Variants in RMND5A observed in about 807,000 individuals in gnomAD.
The protein encoded by RMND5A is required for meiotic nuclear division 5 homolog A.
RMND5A carries 17 observed loss-of-function variants against 49.7 expected under a neutral mutation model. The ratio of observed to expected loss-of-function variants is 0.34; its 90% CI spans 0.23 to 0.51. RMND5A has a LOEUF of 0.51. Ranked by LOEUF, RMND5A falls within the 20% of genes least tolerant of loss-of-function variation. RMND5A has a pLI of 0.96. For missense variants in RMND5A, 255 were observed against 471.3 expected, an observed-to-expected ratio of 0.54 and a Z score of 4.25; for synonymous variants, 156 against 167.7, an observed-to-expected ratio of 0.93 and a Z score of 0.54.
intron 2 of RMND5A, among the ~76,000 whole-genome samples, chr2:86,751,595 C>T (rs1315804789): frequency 6.6e-6 from 1 of 152,166 alleles, no homozygotes; most frequent in Non-Finnish European, 1.5e-5. Context: ...CATTGCATTC[C>T]TCTAAAAATA....
In RMND5A at chr2:86,777,465, GGAACAGGT is replaced by G. The variant is rs1301066658; in HGVS notation, c.*4056_*4063del. On this transcript the variant is annotated 3_prime_UTR_variant, in exon 9 of 9. Transcript: ENST00000283632. Reference sequence around the variant, plus strand: ...CATTGCCCCCACCTGCACCTAGCAAGGAACAGGTGTTTGATGTATTTTGCTCATGACTG... The same window carrying G: ...CATTGCCCCCACCTGCACCTAGCAAGGTTTGATGTATTTTGCTCATGACTG... The G allele has an allele frequency of 6.6e-6, 1 of 152,140 alleles. No homozygotes were observed. The highest frequency in any genetic ancestry group is 2.4e-5 in the African/African-American group (1 of 41,416). 9.4% of individuals were successfully genotyped at this position (152,140 alleles called of 1,614,324 possible).
At chr2:86,755,158 C>T (rs149987534) in intron 4 of RMND5A, among the ~76,000 whole-genome samples, 642 of 151,494 alleles carry the variant, frequency 4.2e-3, no homozygotes, top group East Asian at 9.1e-3. Flanking sequence ...GCTCTGTGGC[C>T]CAGGCTAGAG....
chr2:86,753,602 C>A, intron 4 of RMND5A, 44 bp downstream of exon 4: 2 of 1,010,738 alleles, frequency 2.0e-6, no homozygotes, highest in Non-Finnish European at 3.0e-6. Context: ...TGAGAACTCT[C>A]TGTAAGAAAA....
rs1468962019 is a variant in RMND5A, at chr2:86,723,336, CA to C, written c.142+2530del. Among the ~76,000 whole-genome samples, 4 of 33,536 alleles carry C rather than the reference CA, an allele frequency of 1.2e-4. 1 individual carries two copies. The highest frequency in any genetic ancestry group is 1.5e-4 in the Non-Finnish European group (3 of 19,458). The allele number at this position is 33,536 out of a possible 152,430, so 22.0% of individuals were successfully genotyped here. ...CATTGAAACTTAAATATGCCCTTCT[CA>C]AAGGTATTTTACTGAAAACTGAGTT... On this transcript the variant is annotated intron_variant, in intron 1 of 8. Coordinates refer to ENST00000283632, the MANE Select transcript of RMND5A (RefSeq NM_022780.4).
intron 2 of RMND5A, among the ~76,000 whole-genome samples, chr2:86,745,014 T>A (rs1436680540): frequency 9.9e-5 from 15 of 152,238 alleles, no homozygotes; most frequent in Non-Finnish European, 1.9e-4. Flanking sequence ...GACAATTTTT[T>A]TTTTTTTAGT....
At chr2:86,766,661 C>CAAAAAAAAAAAAAAAA (rs59511898) in intron 6 of RMND5A, among the ~76,000 whole-genome samples, 1 of 77,004 alleles carries the variant, frequency 1.3e-5, no homozygotes, top group African/African-American at 5.3e-5. Context: ...GAGACTGTCT[C>CAAAAAAAAAAAAAAAA]AAAAAAAAAA....
chr2:86,747,698 T>C (rs1278609962), intron 2 of RMND5A, among the ~76,000 whole-genome samples: 1 of 152,254 alleles, frequency 6.6e-6, no homozygotes, highest in African/African-American at 2.4e-5. Context: ...TTGTGACCAC[T>C]GTCTGCTCAG....
Position 86,777,922 on chromosome 2 carries a change from T to TA in RMND5A, c.*4512dup, listed in dbSNP as rs1553429092. 1.3e-5 allele frequency: 2 copies of TA among 152,236 alleles called. No homozygotes were observed. The highest frequency in any genetic ancestry group is 4.8e-5 in the African/African-American group (2 of 41,466). 9.4% of individuals were successfully genotyped at this position (152,236 alleles called of 1,614,324 possible). ...ATTTAATTTATAAATTTCGGACTGA[T>TA]ATAATAGAGTTTTGGAAAACTATAA... On this transcript the variant is annotated 3_prime_UTR_variant, in exon 9 of 9. Coordinates refer to ENST00000283632, the MANE Select transcript of RMND5A (RefSeq NM_022780.4).
chr2:86,746,501 C>T (rs766331762), intron 2 of RMND5A, among the ~76,000 whole-genome samples: 15 of 152,080 alleles, frequency 9.9e-5, no homozygotes, highest in Non-Finnish European at 1.8e-4. Context: ...CTTGTAAGGT[C>T]GAGATTATTG....
At chr2:86,760,787 C>T (rs1672469144) in intron 4 of RMND5A, among the ~76,000 whole-genome samples, 1 of 152,194 alleles carries the variant, frequency 6.6e-6, no homozygotes, top group African/African-American at 2.4e-5. Context: ...CAAGATGAAG[C>T]TAGGGCAAGA....
intron 2 of RMND5A, among the ~76,000 whole-genome samples, chr2:86,742,465 A>T (rs1335395566): frequency 6.9e-6 from 1 of 144,930 alleles, no homozygotes; most frequent in Non-Finnish European, 1.5e-5. Flanking sequence ...TGGTACTATG[A>T]TATTTGAAGT....
At chr2:86,753,069 T>G (rs1681663660) in intron 3 of RMND5A, among the ~76,000 whole-genome samples, 1 of 152,206 alleles carries the variant, frequency 6.6e-6, no homozygotes, top group Admixed American at 6.5e-5. Context: ...CTCTGCATTG[T>G]GAAACTCTTA....
chr2:86,771,452 T>C, intron 7 of RMND5A, 106 bp from the exon 8 acceptor site: 1 of 919,804 alleles, frequency 1.1e-6, no homozygotes, highest in Non-Finnish European at 1.6e-6. Context: ...TACATTCAGG[T>C]GAATAGATCT....
rs1195687762 is a variant in RMND5A at position 86,732,268 on chromosome 2, T to C, written c.143-8659T>C. Among the ~76,000 whole-genome samples, 2 of 149,500 alleles carry C rather than the reference T, an allele frequency of 1.3e-5. 1 individual carries two copies. Among genetic ancestry groups the C allele is most frequent in the African/African-American group, 5.1e-5 (2 of 39,004 alleles). On this transcript the variant is annotated intron_variant, in intron 1 of 8. Transcript: ENST00000283632. ...TGCTGCCTACCAACCAGCTGTTTAGTTTTAGCAATGCTATCTTTAACAGTG... is the reference window on the plus strand; with the variant it reads ...TGCTGCCTACCAACCAGCTGTTTAGCTTTAGCAATGCTATCTTTAACAGTG...
intron 4 of RMND5A, among the ~76,000 whole-genome samples, chr2:86,756,467 T>G (rs1283687086): frequency 6.6e-6 from 1 of 152,216 alleles, no homozygotes; most frequent in South Asian, 2.1e-4. Context: ...ACCCAGTGTT[T>G]TCTCTGTGTA....
At chr2:86,755,754 T>G (rs1252859495) in intron 4 of RMND5A, among the ~76,000 whole-genome samples, 1 of 152,218 alleles carries the variant, frequency 6.6e-6, no homozygotes, top group African/African-American at 2.4e-5. Flanking sequence ...TATTATTTGT[T>G]GCCTTAAAAC....
chr2:86,746,168 G>T (rs1681535099), intron 2 of RMND5A, among the ~76,000 whole-genome samples: 1 of 152,206 alleles, frequency 6.6e-6, no homozygotes, highest in African/African-American at 2.4e-5. Flanking sequence ...AGGTCTGTGT[G>T]TTGGGTAGAG....
intron 4 of RMND5A, among the ~76,000 whole-genome samples, chr2:86,754,575 T>A (rs539497290): frequency 6.6e-6 from 1 of 152,322 alleles, no homozygotes; most frequent in African/African-American, 2.4e-5. Context: ...TTCTCAGTTC[T>A]TTCTCCTTTT....
intron 6 of RMND5A, 54 bp from the exon 7 acceptor site, chr2:86,769,969 C>A: frequency 1.5e-6 from 2 of 1,322,158 alleles, no homozygotes; most frequent in South Asian, 1.2e-5. Flanking sequence ...TCTCCTTGGA[C>A]CAAGCGGCCT....
Sources: gnomAD v4.1 joint callset for allele counts (sites outside exome capture counted in the v4.1 genomes callset) on GRCh38, gnomAD v4.1.1 for gene constraint, MANE v1.5 for transcripts, NCBI Gene and HGNC (gene_info 2026-07-23, HGNC 2026-07-21) for gene names.